The following AFAP1L2 variants were observed in gnomAD, a reference collection of about 807,000 sequenced individuals.
AFAP1L2 encodes actin filament-associated protein 1-like 2.
AFAP1L2 carries 46 observed loss-of-function variants against 99.3 expected under a neutral mutation model. The ratio of observed to expected loss-of-function variants is 0.46; its 90% CI spans 0.37 to 0.59. AFAP1L2 has a LOEUF of 0.59. Among genes scored for constraint, AFAP1L2 ranks in the 20% least tolerant of loss-of-function variants. The pLI is 0.00. For missense variants in AFAP1L2, 959 were observed against 1,034.9 expected (o/e 0.93, Z 1.01); for synonymous variants, 397 against 419.1 (o/e 0.95, Z 0.64).
intron 4 of AFAP1L2, among the ~76,000 whole-genome samples, chr10:114,328,933 C>A (rs979572679): frequency 5.3e-5 from 8 of 152,224 alleles, no homozygotes; most frequent in Non-Finnish European, 8.8e-5. Flanking sequence ...CAGGTGGGAC[C>A]TAGCCAGGGG....
intron 18 of AFAP1L2, chr10:114,296,748 C>T (rs2040291459): frequency 1.8e-6 from 1 of 557,724 alleles, no homozygotes; most frequent in African/African-American, 1.9e-5. Context: ...TGAAGCATCC[C>T]CAAGCTCACA....
chr10:114,378,480 C>T (rs145904693), intron 1 of AFAP1L2, among the ~76,000 whole-genome samples: 2 of 152,186 alleles, frequency 1.3e-5, no homozygotes, highest in African/African-American at 4.8e-5. Flanking sequence ...CTCATTATAT[C>T]CTCAGAGGCC....
chr10:114,398,291 A>G (rs2057917937), intron 1 of AFAP1L2, among the ~76,000 whole-genome samples: 2 of 152,250 alleles, frequency 1.3e-5, no homozygotes, highest in South Asian at 4.1e-4. Flanking sequence ...CTCTACACAT[A>G]ACAAATGAGC....
chr10:114,329,147 G>A (rs1056788152), intron 4 of AFAP1L2, among the ~76,000 whole-genome samples: 9 of 152,108 alleles, frequency 5.9e-5, no homozygotes, highest in Admixed American at 2.0e-4. Flanking sequence ...CCCAACTGCC[G>A]CACCAGTTCC....
intron 1 of AFAP1L2, among the ~76,000 whole-genome samples, chr10:114,390,374 G>A (rs2137907052): frequency 6.6e-6 from 1 of 152,284 alleles, no homozygotes; most frequent in African/African-American, 2.4e-5. Flanking sequence ...ATGGACCCAT[G>A]CAGACATCTC....
chr10:114,303,608 C>A (rs1334390118), intron 11 of AFAP1L2, among the ~76,000 whole-genome samples: 1 of 152,208 alleles, frequency 6.6e-6, no homozygotes, highest in Non-Finnish European at 1.5e-5. Flanking sequence ...TGCCCGGCCC[C>A]CACTTAGTTT....
chr10:114,286,037 G>A, the AFAP1L2 span: 19,842 of 1,614,142 alleles, frequency 0.012, 154 homozygotes, highest in Non-Finnish European at 0.014. Flanking sequence ...CAAAGTCTTC[G>A]TGAAGCGGTT....
chr10:114,399,382 T>G (rs1447792991), intron 1 of AFAP1L2, among the ~76,000 whole-genome samples: 2 of 152,038 alleles, frequency 1.3e-5, no homozygotes, highest in African/African-American at 4.8e-5. Context: ...TCCTGAAGAT[T>G]GAGGAGAGTT....
rs11818343 is a variant in AFAP1L2 at position 114,325,969 on chromosome 10, C to T, written c.316-2708G>A. The T allele has an allele frequency of 5.7e-4, 737 of 1,289,370 alleles. 3 individuals carry two copies. In the African/African-American group the frequency reaches 1.0e-2, roughly 17 times the overall value. The allele number at this position is 1,289,370 out of a possible 1,614,324, so 79.9% of individuals were successfully genotyped here. On this transcript the variant is annotated intron_variant, in intron 4 of 18. Coordinates refer to ENST00000304129, the MANE Select transcript of AFAP1L2 (RefSeq NM_001001936.3). ...TCCAGCTCCAGCCTCCAAGAAACTC[C>T]GTTCCCGTCAGGTGGGTCCCATCTG... is the stretch of plus-strand genomic sequence containing the variant.
At chr10:114,282,443 T>G in the AFAP1L2 span, 1 of 1,224,810 alleles carries the variant, frequency 8.2e-7, no homozygotes, top group African/African-American at 1.5e-5. Flanking sequence ...TTTGGTGTTG[T>G]AAATCATCTT....
At chr10:114,294,756 C>T (rs936035125), downstream of AFAP1L2, 10 of 910,036 alleles carry the variant, frequency 1.1e-5, no homozygotes, top group Admixed American at 5.6e-4. Flanking sequence ...GTGTAAATAA[C>T]CAAAACATTT....
chr10:114,397,602 C>G (rs1430909861), intron 1 of AFAP1L2, among the ~76,000 whole-genome samples: 1 of 152,166 alleles, frequency 6.6e-6, no homozygotes, highest in Non-Finnish European at 1.5e-5. Flanking sequence ...TAAGGGGATT[C>G]CTGGGACACC....
Position 114,333,260 on chromosome 10 carries a change from T to G in AFAP1L2, c.181A>C (p.Thr61Pro). The change falls in exon 3 of 19, where the codon ACC (threonine) becomes CCC (proline). Residue 61 changes from threonine (T) to proline (P), a missense_variant. By Grantham distance (38) the Thr-to-Pro change is conservative. Around this residue, in one of 2 missense-constraint regions of AFAP1L2, gnomAD observed 383 missense variants for 472.8 expected, o/e 0.81. Transcript: ENST00000304129. Reference sequence around the variant, plus strand: ...TCTGCATTCTGTTGCTTGTTGATGGTCACTTTGTTCATATAAATGTACTCC... The same window carrying G: ...TCTGCATTCTGTTGCTTGTTGATGGGCACTTTGTTCATATAAATGTACTCC... ...DEEYIYMNKV[T>P]INKQQNAESQ... 4 of 1,614,010 alleles carry G rather than the reference T, an allele frequency of 2.5e-6. No homozygotes were observed. Among genetic ancestry groups the G allele is most frequent in the Non-Finnish European group, 3.4e-6 (4 of 1,180,000 alleles).
At chr10:114,287,814 T>C in the AFAP1L2 span, among the ~76,000 whole-genome samples, 9 of 152,228 alleles carry the variant, frequency 5.9e-5, no homozygotes, top group Non-Finnish European at 8.8e-5. Context: ...CACAGTGTTA[T>C]CATTAATGAA....
At chr10:114,340,836 C>T (rs536747665) in intron 1 of AFAP1L2, 105 bp from the exon 2 acceptor site, 4 of 1,521,604 alleles carry the variant, frequency 2.6e-6, no homozygotes, top group East Asian at 2.3e-5. Context: ...ACCCTCTGGT[C>T]CCAAGAGGAA....
Position 114,295,449 on chromosome 10 carries a change from C to T in AFAP1L2, c.*593G>A, listed in dbSNP as rs2040059173. The T allele has an allele frequency of 1.0e-6, 1 of 985,542 alleles. No homozygotes were observed. Among genetic ancestry groups the T allele is most frequent in the African/African-American group, 1.7e-5 (1 of 57,222 alleles). The allele number at this position is 985,542 out of a possible 1,614,324, so 61.0% of individuals were successfully genotyped here. A position where few individuals can be genotyped will look rare whatever the true frequency, so the allele number is the denominator to read the frequency against. ...TCAGCTTGGTCCCAAATATTTTCCC[C>T]ATTATTGTTTCTCAAAACTCATGTC... On this transcript the variant is annotated 3_prime_UTR_variant, in exon 19 of 19. Transcript: ENST00000304129.
chr10:114,357,486 CTT>C (rs2051568578), intron 1 of AFAP1L2, among the ~76,000 whole-genome samples: 1 of 152,144 alleles, frequency 6.6e-6, no homozygotes, highest in African/African-American at 2.4e-5. Flanking sequence ...TCACAGTACC[CTT>C]GTCTACCCAC....
intron 1 of AFAP1L2, among the ~76,000 whole-genome samples, chr10:114,358,974 TGTTC>T (rs1296067175): frequency 6.6e-6 from 1 of 152,190 alleles, no homozygotes. Flanking sequence ...AAGAGACGAC[TGTTC>T]GCCTAGATTC....
At chr10:114,307,082 AC>A (rs1564815372) in intron 10 of AFAP1L2, among the ~76,000 whole-genome samples, 1 of 152,158 alleles carries the variant, frequency 6.6e-6, no homozygotes, top group Non-Finnish European at 1.5e-5. Flanking sequence ...TACCAGGCCC[AC>A]CCCAAGATAT....
Sources: allele counts gnomAD v4.1 joint callset (sites outside exome capture counted in the v4.1 genomes callset), GRCh38; gene constraint gnomAD v4.1.1; regional missense constraint gnomAD v4.1.1; transcripts MANE v1.5; gene names NCBI Gene and HGNC (gene_info 2026-07-23, HGNC 2026-07-21).